The following GREM2 variants were observed in gnomAD, a reference collection of about 807,000 sequenced individuals.
GREM2 encodes the protein gremlin 2, DAN family BMP antagonist.
In GREM2, 11 loss-of-function variants were observed where a neutral mutation model predicts 14.2. The observed-to-expected ratio is 0.78, with a 90% CI of 0.49 to 1.28. GREM2 has a LOEUF of 1.28. Among genes scored for constraint, GREM2 ranks in the 50% most tolerant of loss-of-function variants. GREM2 has a pLI of 0.00. For synonymous variants in GREM2, 98 were observed against 97.6 expected, an observed-to-expected ratio of 1.00 and a Z score of -0.02; for missense variants, 210 against 218.5, an observed-to-expected ratio of 0.96 and a Z score of 0.24.
intron 1 of GREM2, among the ~76,000 whole-genome samples, chr1:240,523,697 A>T (rs1231163673): frequency 6.6e-6 from 1 of 152,134 alleles, no homozygotes; most frequent in Non-Finnish European, 1.5e-5. Context: ...ATTTGCCACT[A>T]CGTGCAGGAT....
At chr1:240,510,366 T>G (rs1282373301) in intron 1 of GREM2, among the ~76,000 whole-genome samples, 1 of 48,784 alleles carries the variant, frequency 2.0e-5, no homozygotes, top group Non-Finnish European at 3.3e-5. Flanking sequence ...CGAGACTCCG[T>G]CGCAAAAAAA....
intron 1 of GREM2, among the ~76,000 whole-genome samples, chr1:240,520,108 A>AAAATAAAATAAAAT (rs1220016301): frequency 6.6e-6 from 1 of 152,062 alleles, no homozygotes; most frequent in Non-Finnish European, 1.5e-5. Flanking sequence ...AAAATAAAAT[A>AAAATAAAATAAAAT]AAATAAAATA....
At chr1:240,538,212 CA>C (rs1678514920) in intron 1 of GREM2, among the ~76,000 whole-genome samples, 1 of 152,216 alleles carries the variant, frequency 6.6e-6, no homozygotes, top group Non-Finnish European at 1.5e-5. Flanking sequence ...AGGTTAGATG[CA>C]CCCCTCAAAT....
In GREM2 at chr1:240,542,128, G is replaced by A. The variant is rs187943013; in HGVS notation, c.-1-48652C>T. On this transcript the variant is annotated intron_variant, in intron 1 of 1. Coordinates refer to ENST00000318160, the MANE Select transcript of GREM2 (RefSeq NM_022469.4). The surrounding 1 kb of genome is among the most constrained non-coding windows in gnomAD (Gnocchi z 4.1). Reference sequence around the variant, plus strand: ...GAAGGTCGAGGCCAAGGAGGATGCCGAACATCCTGCAATGCACAAGACAGT... The same window carrying A: ...GAAGGTCGAGGCCAAGGAGGATGCCAAACATCCTGCAATGCACAAGACAGT... Among the ~76,000 whole-genome samples, 195 of 152,076 alleles carry A rather than the reference G, an allele frequency of 1.3e-3. 2 individuals are homozygous for A. The South Asian group carries it at 0.016, about 12-fold the overall frequency.
chr1:240,532,640 TATAGATAGATAGATAGATAG>T (rs199526145), intron 1 of GREM2, among the ~76,000 whole-genome samples: 2,471 of 104,254 alleles, frequency 0.024, 57 homozygotes, highest in African/African-American at 0.071. Context: ...AAGAGATATA[TATAGATAGATAGATAGATAG>T]ATAGATAGAT....
chr1:240,582,989 C>T (rs1679520291), intron 1 of GREM2, among the ~76,000 whole-genome samples: 1 of 152,028 alleles, frequency 6.6e-6, no homozygotes, highest in Admixed American at 6.6e-5. Context: ...TGACTAAAAC[C>T]TCTTGTATTT....
chr1:240,585,017 G>T (rs983609783), intron 1 of GREM2, among the ~76,000 whole-genome samples: 4 of 152,214 alleles, frequency 2.6e-5, no homozygotes, highest in Admixed American at 1.3e-4. Context: ...TTACTAGAGA[G>T]AAGATGACAT....
intron 1 of GREM2, among the ~76,000 whole-genome samples, chr1:240,547,495 A>T (rs1339996033): frequency 6.9e-5 from 6 of 87,324 alleles, no homozygotes; most frequent in African/African-American, 2.6e-4. Context: ...GTGAGACTCC[A>T]TCTCAAAAAA....
At chr1:240,515,050 G>A (rs1677924080) in intron 1 of GREM2, among the ~76,000 whole-genome samples, 1 of 152,178 alleles carries the variant, frequency 6.6e-6, no homozygotes, top group African/African-American at 2.4e-5. Flanking sequence ...ACATTAGATA[G>A]GAAAGAGGTG....
chr1:240,504,675 A>T (rs1396801986), intron 1 of GREM2, among the ~76,000 whole-genome samples: 1 of 152,210 alleles, frequency 6.6e-6, no homozygotes, highest in Non-Finnish European at 1.5e-5. Context: ...TAAATGACTA[A>T]TCAGTTCCTT....
intron 1 of GREM2, among the ~76,000 whole-genome samples, chr1:240,563,656 A>G (rs551677812): frequency 6.6e-6 from 1 of 152,266 alleles, no homozygotes; most frequent in Admixed American, 6.5e-5. Flanking sequence ...GAGTCAGTGG[A>G]TGGAGCTAAG....
At chr1:240,522,866 G>T (rs1484825543) in intron 1 of GREM2, among the ~76,000 whole-genome samples, 1 of 151,996 alleles carries the variant, frequency 6.6e-6, no homozygotes, top group Non-Finnish European at 1.5e-5. Flanking sequence ...AAAATCACAG[G>T]TAAATCACAA....
chr1:240,499,889 T>C (rs1318506972), intron 1 of GREM2, among the ~76,000 whole-genome samples: 2 of 152,352 alleles, frequency 1.3e-5, no homozygotes, highest in African/African-American at 2.4e-5. Context: ...ATAATGCCCA[T>C]GGTCTAAAAT....
At chr1:240,513,620 G>A (rs1397961360) in intron 1 of GREM2, among the ~76,000 whole-genome samples, 8 of 151,474 alleles carry the variant, frequency 5.3e-5, no homozygotes, top group Non-Finnish European at 1.0e-4. Context: ...GAAAGGCCAG[G>A]ATGGTTGGAA....
chr1:240,561,690 G>GCACACA (rs1679040269), intron 1 of GREM2, among the ~76,000 whole-genome samples: 1 of 104,918 alleles, frequency 9.5e-6, no homozygotes, highest in East Asian at 3.5e-4. Flanking sequence ...AAATAATCCT[G>GCACACA]CATACACACA....
chr1:240,510,666 G>C (rs1163828621), intron 1 of GREM2, among the ~76,000 whole-genome samples: 1 of 152,172 alleles, frequency 6.6e-6, no homozygotes, highest in African/African-American at 2.4e-5. Context: ...TGAATTAGCA[G>C]AGACATTAAT....
intron 1 of GREM2, among the ~76,000 whole-genome samples, chr1:240,577,340 AT>A (rs1679391364): frequency 6.6e-6 from 1 of 150,940 alleles, no homozygotes; most frequent in African/African-American, 2.5e-5. Flanking sequence ...GAAAAAAAAA[AT>A]GGAAAAAAAG....
rs1490438883 is a variant in GREM2 at position 240,542,735 on chromosome 1, A to G, written c.-1-49259T>C. ...GTTTTGACAGAATTTGAATTATCTG[A>G]TGGTTTGGCATAAGAAGATTATGAA... On this transcript the variant is annotated intron_variant, in intron 1 of 1. Transcript: ENST00000318160. This position sits in a 1 kb window ranked among gnomAD's most constrained non-coding sequence, Gnocchi z 4.1. Among the ~76,000 whole-genome samples, 2 of 152,150 alleles carry G rather than the reference A, an allele frequency of 1.3e-5. No individual in the cohort carries two copies. Among genetic ancestry groups the G allele is most frequent in the South Asian group, 2.1e-4 (1 of 4,812 alleles).
intron 1 of GREM2, among the ~76,000 whole-genome samples, chr1:240,531,899 T>A (rs1678371445): frequency 6.6e-6 from 1 of 151,340 alleles, no homozygotes; most frequent in Non-Finnish European, 1.5e-5. Flanking sequence ...TGAAATATAA[T>A]TGTCATGTGA....
Sources: allele counts gnomAD v4.1 joint callset (sites outside exome capture counted in the v4.1 genomes callset), GRCh38; gene constraint gnomAD v4.1.1; non-coding constraint Gnocchi (gnomAD v3.1); transcripts MANE v1.5; gene names NCBI Gene and HGNC (gene_info 2026-07-23, HGNC 2026-07-21).